The following SIPA1L1 variants were observed in gnomAD, a reference collection of about 807,000 sequenced individuals.
SIPA1L1 encodes the protein signal induced proliferation associated 1 like 1, also known as signal-induced proliferation-associated 1-like protein 1.
Under a neutral mutation model 162.7 loss-of-function variants are expected in SIPA1L1, and 26 were observed. The ratio of observed to expected loss-of-function variants is 0.16; its 90% CI spans 0.12 to 0.22. The LOEUF is 0.22. Among genes scored for constraint, SIPA1L1 ranks in the 10% least tolerant of loss-of-function variants. SIPA1L1 has a pLI of 1.00. For missense variants in SIPA1L1, 1,874 were observed against 2,241.0 expected, an observed-to-expected ratio of 0.84 and a Z score of 3.31; for synonymous variants, 829 against 837.4, an observed-to-expected ratio of 0.99 and a Z score of 0.17.
At chr14:71,577,230 G>T (rs1230172437) in intron 4 of SIPA1L1, among the ~76,000 whole-genome samples, 1 of 152,146 alleles carries the variant, frequency 6.6e-6, no homozygotes, top group Non-Finnish European at 1.5e-5. Context: ...ACAGGATATA[G>T]AAATTCATGC....
At chr14:71,472,192 T>A (rs2047515927) in intron 2 of SIPA1L1, among the ~76,000 whole-genome samples, 1 of 152,206 alleles carries the variant, frequency 6.6e-6, no homozygotes, top group Non-Finnish European at 1.5e-5. Context: ...GCTGGTTGAC[T>A]TGAATATTGA....
intron 2 of SIPA1L1, among the ~76,000 whole-genome samples, chr14:71,449,495 A>G (rs976348597): frequency 1.3e-5 from 2 of 152,206 alleles, no homozygotes; most frequent in African/African-American, 4.8e-5. Context: ...TACAGCTAAC[A>G]TTAGTCACAA....
chr14:71,730,193 G>C lies in SIPA1L1; in HGVS notation c.4753G>C (p.Asp1585His). 1 of 1,614,130 alleles carries C rather than the reference G, an allele frequency of 6.2e-7. No individual in the cohort carries two copies. Among genetic ancestry groups the C allele is most frequent in the Non-Finnish European group, 8.5e-7 (1 of 1,180,032 alleles). The change falls in exon 20 of 24, where the codon GAC becomes CAC. Residue 1585 changes from aspartate (D) to histidine (H), a missense_variant. Transcript: ENST00000381232. ...TTTCACCTCCAGGGCGTCACTTCTGGACCAAGCCCTGCCCAACGACGTCCT... is the reference window on the plus strand; with the variant it reads ...TTTCACCTCCAGGGCGTCACTTCTGCACCAAGCCCTGCCCAACGACGTCCT... ...HFFTSRASLLDQALPNDVLFS... is the reference protein window; with the variant it reads ...HFFTSRASLLHQALPNDVLFS...
chr14:71,627,300 C>T (rs1386985544), intron 7 of SIPA1L1, among the ~76,000 whole-genome samples: 1 of 151,520 alleles, frequency 6.6e-6, no homozygotes, highest in East Asian at 1.9e-4. Flanking sequence ...GGATGCACCA[C>T]CACTCCTGGC....
intron 2 of SIPA1L1, among the ~76,000 whole-genome samples, chr14:71,336,343 C>T (rs891213258): frequency 3.2e-4 from 49 of 152,230 alleles, no homozygotes; most frequent in Middle Eastern, 6.8e-3. Context: ...TTTGCAGTCA[C>T]CCCCCATTTC....
At chr14:71,549,819 T>C (rs552068927) in intron 4 of SIPA1L1, among the ~76,000 whole-genome samples, 12 of 152,228 alleles carry the variant, frequency 7.9e-5, no homozygotes, top group Non-Finnish European at 1.5e-4. Flanking sequence ...AGTGAGAGTT[T>C]GGTTTTTTTA....
intron 7 of SIPA1L1, among the ~76,000 whole-genome samples, chr14:71,627,505 ACCT>A (rs1232025803): frequency 2.0e-5 from 3 of 151,936 alleles, no homozygotes; most frequent in Non-Finnish European, 4.4e-5. Flanking sequence ...GACAAAACTA[ACCT>A]CCTAATATTT....
chr14:71,588,450 C>T lies in SIPA1L1; in HGVS notation c.578C>T (p.Ser193Leu). The T allele has an allele frequency of 6.2e-7, 1 of 1,613,838 alleles. No homozygotes were observed. Among genetic ancestry groups the T allele is most frequent in the Non-Finnish European group, 8.5e-7 (1 of 1,179,710 alleles). Residue 193 changes from serine to leucine, a missense_variant, in exon 5 of 24, where the codon TCA becomes TTA. Transcript: ENST00000381232. This position sits in a 1 kb window ranked among gnomAD's most constrained non-coding sequence, Gnocchi z 4.3. ...GTGGATAGCTTTGATGAATGTATCT[C>T]ACCTACATACAAGACTGGACCATCA... ...LDVDSFDECI[S>L]PTYKTGPSLH...
intron 7 of SIPA1L1, among the ~76,000 whole-genome samples, chr14:71,627,714 G>A (rs906504661): frequency 6.7e-6 from 1 of 150,014 alleles, no homozygotes; most frequent in Non-Finnish European, 1.5e-5. Context: ...GCAACCCTGT[G>A]CAATAGATTC....
chr14:71,431,389 C>T (rs932572729), intron 2 of SIPA1L1, among the ~76,000 whole-genome samples: 1 of 152,080 alleles, frequency 6.6e-6, no homozygotes, highest in African/African-American at 2.4e-5. Flanking sequence ...GTGGACTTAA[C>T]TAGTACATAA....
chr14:71,331,974 T>G (rs1443015728), intron 2 of SIPA1L1, among the ~76,000 whole-genome samples: 1 of 152,234 alleles, frequency 6.6e-6, no homozygotes, highest in Non-Finnish European at 1.5e-5. Flanking sequence ...TTTCGGCTAC[T>G]TAAGAAATAT....
At chr14:71,493,599 A>G (rs1170793574) in intron 2 of SIPA1L1, among the ~76,000 whole-genome samples, 1 of 152,260 alleles carries the variant, frequency 6.6e-6, no homozygotes. Flanking sequence ...ACAAAGTATC[A>G]TCACCAAAGT....
intron 13 of SIPA1L1, among the ~76,000 whole-genome samples, chr14:71,693,702 A>G (rs2149698878): frequency 6.6e-6 from 1 of 151,784 alleles, no homozygotes; most frequent in Middle Eastern, 3.4e-3. Flanking sequence ...ATTGTTGTAG[A>G]GATTTTTCTT....
At chr14:71,599,914 T>C (rs1245706661) in intron 5 of SIPA1L1, among the ~76,000 whole-genome samples, 1 of 152,214 alleles carries the variant, frequency 6.6e-6, no homozygotes, top group Non-Finnish European at 1.5e-5. Context: ...CATATGTGTG[T>C]ATTCTTTTCA....
At chr14:71,505,123 C>T (rs1336657058) in intron 2 of SIPA1L1, among the ~76,000 whole-genome samples, 1 of 152,122 alleles carries the variant, frequency 6.6e-6, no homozygotes, top group Non-Finnish European at 1.5e-5. Context: ...GTTTAAAAAA[C>T]TTTTCTCAAC....
intron 12 of SIPA1L1, 87 bp from the exon 13 acceptor site, chr14:71,685,275 T>C: frequency 7.1e-7 from 1 of 1,409,790 alleles, no homozygotes; most frequent in East Asian, 2.3e-5. Flanking sequence ...TGGATCCATT[T>C]TTAAGTGTTA....
intron 5 of SIPA1L1, among the ~76,000 whole-genome samples, chr14:71,598,771 C>T (rs1042791425): frequency 9.2e-5 from 14 of 152,084 alleles, no homozygotes; most frequent in Non-Finnish European, 1.9e-4. Context: ...GGGAGGATAT[C>T]CATCACCTTG....
At chr14:71,573,551 G>C (rs1316275196) in intron 4 of SIPA1L1, 1 of 456,694 alleles carries the variant, frequency 2.2e-6, no homozygotes, top group Non-Finnish European at 4.4e-6. Context: ...ACAAGGAAGG[G>C]CAAACCAGCA....
intron 17 of SIPA1L1, 87 bp downstream of exon 17, chr14:71,709,751 G>A: frequency 5.3e-6 from 6 of 1,130,580 alleles, no homozygotes; most frequent in Non-Finnish European, 7.5e-6. Flanking sequence ...GCTCAATAGT[G>A]TATAAGGAAA....
Sources: gnomAD v4.1 joint callset for allele counts (sites outside exome capture counted in the v4.1 genomes callset) on GRCh38, gnomAD v4.1.1 for gene constraint, Gnocchi (gnomAD v3.1) non-coding constraint, MANE v1.5 for transcripts, NCBI Gene and HGNC (gene_info 2026-07-23, HGNC 2026-07-21) for gene names.